Variants in ARHGAP24 observed in about 807,000 individuals in gnomAD.
ARHGAP24 encodes rho GTPase-activating protein 24.
A neutral mutation model predicts 76.4 loss-of-function variants in ARHGAP24; 50 were observed. The ratio of observed to expected loss-of-function variants is 0.65; its 90% confidence interval spans 0.52 to 0.83. The LOEUF (loss-of-function observed/expected upper bound fraction) is 0.83. ARHGAP24 is among the 40% of genes least tolerant of loss of function. ARHGAP24 has a pLI of 0.00. For missense variants in ARHGAP24, 930 were observed against 914.2 expected, an observed-to-expected ratio of 1.02 and a Z score of -0.22; for synonymous variants, 345 against 323.3, an observed-to-expected ratio of 1.07 and a Z score of -0.72.
At chr4:85,616,745 A>G (rs1226341707) in intron 2 of ARHGAP24, among the ~76,000 whole-genome samples, 1 of 152,150 alleles carries the variant, frequency 6.6e-6, no homozygotes, top group East Asian at 1.9e-4. Context: ...CTTGTGCCCC[A>G]GCCTCCCAAG....
intron 4 of ARHGAP24, among the ~76,000 whole-genome samples, chr4:85,927,338 G>A (rs1736074715): frequency 1.3e-5 from 2 of 152,050 alleles, no homozygotes; most frequent in South Asian, 4.1e-4. Context: ...GGGATGGGGG[G>A]ATGAGGGGGT....
At chr4:85,867,860 TAACATATATATATA>T (rs943350666) in intron 3 of ARHGAP24, among the ~76,000 whole-genome samples, 1 of 146,122 alleles carries the variant, frequency 6.8e-6, no homozygotes, top group African/African-American at 2.5e-5. Context: ...TATTTATATA[TAACATATATATATA>T]AACATATATA....
chr4:85,947,513 G>A (rs1296477527), intron 5 of ARHGAP24, among the ~76,000 whole-genome samples: 1 of 152,208 alleles, frequency 6.6e-6, no homozygotes, highest in Non-Finnish European at 1.5e-5. Flanking sequence ...TGGTGATCAA[G>A]TGTCAACATA....
intron 2 of ARHGAP24, among the ~76,000 whole-genome samples, chr4:85,571,960 G>A (rs1323864637): frequency 6.6e-6 from 1 of 152,118 alleles, no homozygotes; most frequent in Non-Finnish European, 1.5e-5. Flanking sequence ...AATTAAGAAG[G>A]TCCCATATTG....
At chr4:85,951,111 T>C (rs147065603) in intron 5 of ARHGAP24, among the ~76,000 whole-genome samples, 27 of 152,292 alleles carry the variant, frequency 1.8e-4, no homozygotes, top group Middle Eastern at 6.8e-3. Flanking sequence ...TTTTGATAAA[T>C]TGTCAAGCTT....
chr4:85,865,849 T>G (rs1399650803), intron 3 of ARHGAP24, among the ~76,000 whole-genome samples: 1 of 152,050 alleles, frequency 6.6e-6, no homozygotes, highest in Non-Finnish European at 1.5e-5. Context: ...TTATTATTTA[T>G]ATTTATCTAC....
chr4:85,577,108 T>G (rs1466049253), intron 2 of ARHGAP24, among the ~76,000 whole-genome samples: 2 of 151,314 alleles, frequency 1.3e-5, no homozygotes, highest in Admixed American at 1.3e-4. Flanking sequence ...TTTAAGATAT[T>G]AATACTACTC....
chr4:85,623,025 G>T (rs955427283), intron 2 of ARHGAP24, among the ~76,000 whole-genome samples: 1 of 152,004 alleles, frequency 6.6e-6, no homozygotes, highest in Non-Finnish European at 1.5e-5. Context: ...GGGTTGCAAA[G>T]ATTTTCTCCC....
At chr4:85,820,314 GC>G (rs1221888322) in intron 3 of ARHGAP24, among the ~76,000 whole-genome samples, 2 of 152,192 alleles carry the variant, frequency 1.3e-5, no homozygotes, top group African/African-American at 4.8e-5. Flanking sequence ...ATGAAAAAGA[GC>G]AGGATCACAT....
At chr4:85,685,643 A>AAAGAAAAGAAAAGAAAAGAAAAGAAAAG (rs1553922810) in intron 2 of ARHGAP24, among the ~76,000 whole-genome samples, 3 of 150,198 alleles carry the variant, frequency 2.0e-5, no homozygotes, top group African/African-American at 7.5e-5. Context: ...AAAAAAAAAA[A>AAAGAAAAGAAAAGAAAAGAAAAGAAAAG]AAAAGAAAAG....
At chr4:85,537,560 G>A (rs986820591) in intron 1 of ARHGAP24, among the ~76,000 whole-genome samples, 3 of 151,996 alleles carry the variant, frequency 2.0e-5, no homozygotes, top group Non-Finnish European at 2.9e-5. Context: ...GGTAAGGTAT[G>A]TTCTCATACA....
At chr4:85,752,944 G>A (rs1560616041) in intron 3 of ARHGAP24, among the ~76,000 whole-genome samples, 1 of 152,126 alleles carries the variant, frequency 6.6e-6, no homozygotes, top group Non-Finnish European at 1.5e-5. Flanking sequence ...GATTTATATA[G>A]CCAGGGATAA....
chr4:85,666,306 A>G (rs1722614415), intron 2 of ARHGAP24, among the ~76,000 whole-genome samples: 1 of 152,134 alleles, frequency 6.6e-6, no homozygotes, highest in Non-Finnish European at 1.5e-5. Context: ...AGTTGATCGC[A>G]TCGGCTCCTG....
intron 3 of ARHGAP24, among the ~76,000 whole-genome samples, chr4:85,811,048 T>C (rs1260408404): frequency 6.6e-6 from 1 of 152,154 alleles, no homozygotes; most frequent in Non-Finnish European, 1.5e-5. Context: ...GGCTCAACTA[T>C]AGTTAACAGA....
rs539783511 is a variant in ARHGAP24, at chr4:85,653,844, A to C, written c.181-68041A>C. On this transcript the variant is annotated intron_variant, in intron 2 of 9. Transcript: ENST00000395184. ...GATGCTCAATATGTTGAATAGCCAC[A>C]TGTGCCCAGTGACTAATATACTGGG... Among the ~76,000 whole-genome samples, 4 of 152,278 alleles carry C rather than the reference A, an allele frequency of 2.6e-5. No individual in the cohort carries two copies. The South Asian group carries it at 8.3e-4, about 32-fold the overall frequency.
intron 2 of ARHGAP24, among the ~76,000 whole-genome samples, chr4:85,661,071 T>G (rs1722364784): frequency 6.6e-6 from 1 of 152,216 alleles, no homozygotes; most frequent in Admixed American, 6.5e-5. Context: ...GATTCATATG[T>G]GTTACAAACT....
chr4:85,538,787 T>C (rs944179776), intron 1 of ARHGAP24, among the ~76,000 whole-genome samples: 3 of 152,196 alleles, frequency 2.0e-5, no homozygotes, highest in Admixed American at 6.5e-5. Context: ...TATTCAGTTA[T>C]TGGAAATAAT....
At chr4:85,606,601 A>G (rs542145685) in intron 2 of ARHGAP24, among the ~76,000 whole-genome samples, 11 of 152,216 alleles carry the variant, frequency 7.2e-5, no homozygotes, top group African/African-American at 2.6e-4. Context: ...TAGCTTTGTA[A>G]CTTACTTGAA....
chr4:85,550,335 T>C (rs1052706832), intron 1 of ARHGAP24, among the ~76,000 whole-genome samples: 2 of 152,220 alleles, frequency 1.3e-5, no homozygotes, highest in African/African-American at 2.4e-5. Context: ...TTGTCAACTT[T>C]CTTGAAGATC....
Sources: allele counts gnomAD v4.1 joint callset (sites outside exome capture counted in the v4.1 genomes callset), GRCh38; gene constraint gnomAD v4.1.1; transcripts MANE v1.5; gene names NCBI Gene and HGNC (gene_info 2026-07-23, HGNC 2026-07-21).